The following TENM4 variants were observed in gnomAD, a reference collection of about 807,000 sequenced individuals.
TENM4 encodes the protein teneurin transmembrane protein 4, also known as teneurin-4.
TENM4 carries 82 observed loss-of-function variants against 243.3 expected under a neutral mutation model. That is an observed-to-expected ratio of 0.34 (90% CI 0.28 to 0.40). TENM4 has a LOEUF of 0.40. Among genes scored for constraint, TENM4 ranks in the 10% least tolerant of loss-of-function variants. The pLI is 1.00. For missense variants in TENM4, 3,138 were observed against 3,673.3 expected (o/e 0.85, Z 3.77); for synonymous variants, 1,412 against 1,456.3 (o/e 0.97, Z 0.69).
At chr11:79,034,776 T>C (rs1353090185) in intron 6 of TENM4, among the ~76,000 whole-genome samples, 3 of 152,094 alleles carry the variant, frequency 2.0e-5, no homozygotes, top group Admixed American at 2.0e-4. Flanking sequence ...ACCATGATGA[T>C]ATGCACGGAC....
At chr11:78,973,797 C>A (rs1027240433) in intron 6 of TENM4, among the ~76,000 whole-genome samples, 1 of 151,030 alleles carries the variant, frequency 6.6e-6, no homozygotes, top group Non-Finnish European at 1.5e-5. Context: ...ACTTTTGCAC[C>A]AACTTAATAC....
At chr11:78,792,963 G>A (rs1406608190) in intron 15 of TENM4, among the ~76,000 whole-genome samples, 7 of 152,148 alleles carry the variant, frequency 4.6e-5, no homozygotes, top group Admixed American at 3.3e-4. Context: ...AGGAAGAGGC[G>A]AAAGAGCAGG....
intron 6 of TENM4, among the ~76,000 whole-genome samples, chr11:78,943,011 C>G (rs945293043): frequency 2.0e-5 from 3 of 152,188 alleles, no homozygotes; most frequent in African/African-American, 7.2e-5. Context: ...AACTCTCCCT[C>G]AAGAGTCGGT....
chr11:78,656,680 G>A lies in TENM4; in HGVS notation c.*1378C>T, dbSNP rs1489887846. On this transcript the variant is annotated 3_prime_UTR_variant, in exon 34 of 34. Transcript: ENST00000278550. ...CCACCTTGGGAACTGCCCTGCTCCT[G>A]GTGGGGTTGTATGATATGGGCAGGC... is the stretch of plus-strand genomic sequence containing the variant. 1 of 195,670 alleles carries A rather than the reference G, an allele frequency of 5.1e-6. No individual in the cohort carries two copies. Among genetic ancestry groups the A allele is most frequent in the Non-Finnish European group, 1.0e-5 (1 of 97,242 alleles). 12.1% of individuals were successfully genotyped at this position (195,670 alleles called of 1,614,324 possible).
At chr11:78,917,416 G>T (rs1208988614) in intron 6 of TENM4, among the ~76,000 whole-genome samples, 1 of 152,202 alleles carries the variant, frequency 6.6e-6, no homozygotes, top group Non-Finnish European at 1.5e-5. Context: ...GGGAAAAGGT[G>T]GAAAGCATCT....
chr11:79,434,913 TA>T (rs200201932), intron 1 of TENM4, among the ~76,000 whole-genome samples: 30 of 150,984 alleles, frequency 2.0e-4, no homozygotes, highest in Admixed American at 5.9e-4. Flanking sequence ...GTTATGATAA[TA>T]AAAAAAAATA....
chr11:79,010,284 AG>A (rs1439368706), intron 6 of TENM4, among the ~76,000 whole-genome samples: 2 of 152,156 alleles, frequency 1.3e-5, no homozygotes, highest in Non-Finnish European at 2.9e-5. Flanking sequence ...TCTGCTGCAA[AG>A]GAACTCACTG....
At chr11:79,293,487 A>G (rs80158784) in intron 2 of TENM4, among the ~76,000 whole-genome samples, 5,242 of 150,286 alleles carry the variant, frequency 0.035, 328 homozygotes, top group East Asian at 0.28. Flanking sequence ...AGCCTGGGTG[A>G]CAGAGCAAAA....
chr11:79,344,311 G>A (rs1481781924), intron 1 of TENM4, among the ~76,000 whole-genome samples: 1 of 152,188 alleles, frequency 6.6e-6, no homozygotes, highest in Non-Finnish European at 1.5e-5. Flanking sequence ...GAGGCTGAGG[G>A]AAGATACGTC....
chr11:79,266,541 C>T lies in TENM4; in HGVS notation c.-265+30947G>A, dbSNP rs530465503. ...TGAAAGGCACAGGCCCTTATCTTTG[C>T]TACTGGTGTCAGTAGGCCCTTATCT... On this transcript the variant is annotated intron_variant, in intron 2 of 33. Coordinates refer to ENST00000278550, the MANE Select transcript of TENM4 (RefSeq NM_001098816.3). 1.1e-4 allele frequency among the ~76,000 whole-genome samples: 17 copies of T among 152,002 alleles called. No homozygotes were observed. In the South Asian group the frequency reaches 3.5e-3, roughly 32 times the overall value.
intron 2 of TENM4, among the ~76,000 whole-genome samples, chr11:79,261,828 C>G (rs1449132388): frequency 6.6e-6 from 1 of 152,166 alleles, no homozygotes; most frequent in Non-Finnish European, 1.5e-5. Context: ...GAGACAAATA[C>G]TGGGGCAGGC....
chr11:78,840,143 C>A (rs1858220325), intron 12 of TENM4, among the ~76,000 whole-genome samples: 1 of 152,180 alleles, frequency 6.6e-6, no homozygotes, highest in African/African-American at 2.4e-5. Flanking sequence ...AATGGTAGAA[C>A]AATCTCCCAA....
chr11:79,119,938 A>G (rs1861707064), intron 4 of TENM4, among the ~76,000 whole-genome samples: 1 of 152,188 alleles, frequency 6.6e-6, no homozygotes, highest in Non-Finnish European at 1.5e-5. Context: ...ACATTGAATT[A>G]TCTACCCCAG....
At chr11:79,146,562 G>A (rs1862398328) in intron 4 of TENM4, among the ~76,000 whole-genome samples, 1 of 151,984 alleles carries the variant, frequency 6.6e-6, no homozygotes, top group African/African-American at 2.4e-5. Context: ...TAGGTCTTCA[G>A]GGGCATGGTC....
intron 9 of TENM4, among the ~76,000 whole-genome samples, chr11:78,889,531 C>T (rs748638837): frequency 1.8e-4 from 27 of 152,178 alleles, no homozygotes; most frequent in Non-Finnish European, 4.4e-5. Flanking sequence ...AGGCACCCAA[C>T]ACACAAAAGG....
chr11:79,368,986 T>A (rs1309683420), intron 1 of TENM4, among the ~76,000 whole-genome samples: 4 of 152,238 alleles, frequency 2.6e-5, no homozygotes, highest in Non-Finnish European at 5.9e-5. Context: ...TGAAGCTTTG[T>A]TGAGGGGGCT....
intron 3 of TENM4, among the ~76,000 whole-genome samples, chr11:79,150,071 C>A (rs950862959): frequency 1.4e-4 from 22 of 152,122 alleles, no homozygotes; most frequent in African/African-American, 5.1e-4. Flanking sequence ...TTATTCAGTC[C>A]TCAATGCCAG....
At chr11:78,831,007 A>G (rs944167760) in intron 12 of TENM4, among the ~76,000 whole-genome samples, 14 of 152,202 alleles carry the variant, frequency 9.2e-5, no homozygotes, top group African/African-American at 3.4e-4. Flanking sequence ...TTAAACTCAT[A>G]CATTATTTCA....
chr11:79,161,082 A>G (rs1438891180), intron 3 of TENM4, among the ~76,000 whole-genome samples: 2 of 152,206 alleles, frequency 1.3e-5, no homozygotes, highest in Non-Finnish European at 2.9e-5. Context: ...TTAGAAAAAG[A>G]TAAAAGAAGC....
Sources: gnomAD v4.1 joint callset for allele counts (sites outside exome capture counted in the v4.1 genomes callset) on GRCh38, gnomAD v4.1.1 for gene constraint, MANE v1.5 for transcripts, NCBI Gene and HGNC (gene_info 2026-07-23, HGNC 2026-07-21) for gene names.